Variants in VRK2 observed in about 807,000 individuals in gnomAD.
The protein encoded by VRK2 is VRK serine/threonine kinase 2, also known as serine/threonine-protein kinase VRK2.
Under a neutral mutation model 57.6 loss-of-function variants are expected in VRK2, and 60 were observed. That is an observed-to-expected ratio of 1.04 (90% CI 0.85 to 1.29). The LOEUF is 1.29. VRK2 is among the 50% of genes most tolerant of loss of function. The pLI is 0.00. For missense variants in VRK2, 705 were observed against 588.1 expected, an observed-to-expected ratio of 1.20 and a Z score of -2.06; for synonymous variants, 231 against 199.2, an observed-to-expected ratio of 1.16 and a Z score of -1.35.
chr2:58,085,388 A>G (rs565965774), intron 4 of VRK2, among the ~76,000 whole-genome samples: 3 of 152,108 alleles, frequency 2.0e-5, no homozygotes, highest in Admixed American at 2.0e-4. Context: ...GAAAATGATT[A>G]AACTTTAAGA....
intron 2 of VRK2, among the ~76,000 whole-genome samples, chr2:58,077,707 T>C (rs538017477): frequency 9.5e-4 from 145 of 152,216 alleles, no homozygotes; most frequent in African/African-American, 3.1e-3. Flanking sequence ...TCTCTTGAAC[T>C]TATCCTAGTG....
chr2:58,055,812 A>G (rs1676428067), intron 2 of VRK2, among the ~76,000 whole-genome samples: 1 of 152,314 alleles, frequency 6.6e-6, no homozygotes, highest in South Asian at 2.1e-4. Context: ...TCATCCAGAA[A>G]CAGAAAGATT....
intron 5 of VRK2, among the ~76,000 whole-genome samples, chr2:58,086,998 T>G (rs768805723): frequency 4.7e-4 from 72 of 152,318 alleles, no homozygotes; most frequent in Non-Finnish European, 2.2e-4. Context: ...GAGAGGAGAA[T>G]TCAGTTCTAT....
At chr2:58,042,146 T>G (rs1269087321), upstream of VRK2, among the ~76,000 whole-genome samples, 1 of 152,230 alleles carries the variant, frequency 6.6e-6, no homozygotes, top group African/African-American at 2.4e-5. Context: ...TTGGTTTACA[T>G]GACATATTGA....
chr2:57,956,495 A>G (rs1671590443), intron 1 of VRK2, among the ~76,000 whole-genome samples: 1 of 152,170 alleles, frequency 6.6e-6, no homozygotes, highest in African/African-American at 2.4e-5. Context: ...AGACTTGCAC[A>G]AGCACTCTTC....
At chr2:57,921,653 T>C (rs1377430556) in intron 1 of VRK2, among the ~76,000 whole-genome samples, 1 of 152,108 alleles carries the variant, frequency 6.6e-6, no homozygotes, top group African/African-American at 2.4e-5. Context: ...AGTGAAATGA[T>C]TGCAATTTGA....
intron 1 of VRK2, among the ~76,000 whole-genome samples, chr2:57,956,211 C>T (rs74335207): frequency 0.034 from 5,185 of 151,994 alleles, 148 homozygotes; most frequent in South Asian, 0.1. Context: ...CAAGGCTCCA[C>T]CTCTACAAAA....
chr2:57,971,322 G>T (rs1008729810), intron 1 of VRK2, among the ~76,000 whole-genome samples: 1 of 151,926 alleles, frequency 6.6e-6, no homozygotes, highest in African/African-American at 2.4e-5. Flanking sequence ...TGTCATGGAG[G>T]CACCCTCTGC....
rs781555634 is a variant in VRK2 at position 58,146,423 on chromosome 2, A to G, written c.1131A>G (p.Lys377=). ...ERSAESCATW[K]VQKEEKLIGL... ...GCGCTGAGTCCTGTGCAACATGGAA[A>G]GTGCAGAAAGAGGAGAAACTGATTG... Residue 377 remains lysine (K), a synonymous_variant, in exon 12 of 13, where the codon AAA becomes AAG. Coordinates refer to ENST00000340157, the MANE Select transcript of VRK2 (RefSeq NM_006296.7). 5.0e-6 allele frequency: 8 copies of G among 1,611,864 alleles called. No individual in the cohort carries two copies. The South Asian group carries it at 8.8e-5, about 18-fold the overall frequency.
intron 1 of VRK2, among the ~76,000 whole-genome samples, chr2:57,952,356 G>C (rs1419628044): frequency 6.6e-6 from 1 of 152,086 alleles, no homozygotes; most frequent in African/African-American, 2.4e-5. Flanking sequence ...CCTTTGAAAA[G>C]TAAAATCTTC....
chr2:58,033,992 T>C (rs1253124476), intron 3 of VRK2, among the ~76,000 whole-genome samples: 1 of 152,066 alleles, frequency 6.6e-6, no homozygotes, highest in Non-Finnish European at 1.5e-5. Flanking sequence ...TCCCATGCAA[T>C]GTAAGTACGG....
intron 1 of VRK2, among the ~76,000 whole-genome samples, chr2:58,022,156 A>T (rs1327568384): frequency 6.6e-6 from 1 of 152,238 alleles, no homozygotes; most frequent in Non-Finnish European, 1.5e-5. Flanking sequence ...GATCTCAATC[A>T]TGAGGTCAGG....
intron 1 of VRK2, among the ~76,000 whole-genome samples, chr2:57,967,354 C>T (rs1482458497): frequency 6.6e-6 from 1 of 151,484 alleles, no homozygotes; most frequent in Non-Finnish European, 1.5e-5. Context: ...GCACATGTAC[C>T]CCAGAACTTA....
intron 1 of VRK2, among the ~76,000 whole-genome samples, chr2:57,938,632 T>TTA: frequency 6.6e-6 from 1 of 152,252 alleles, no homozygotes; most frequent in Admixed American, 6.5e-5. Context: ...ATGGCTTTCA[T>TTA]TATACTTCTT....
chr2:57,959,513 G>A (rs1671689957), intron 1 of VRK2, among the ~76,000 whole-genome samples: 1 of 152,172 alleles, frequency 6.6e-6, no homozygotes, highest in African/African-American at 2.4e-5. Context: ...AAGCTGTCCC[G>A]AAGCTCCCTT....
intron 7 of VRK2, among the ~76,000 whole-genome samples, chr2:58,119,476 C>CAAA (rs35693605): frequency 6.9e-5 from 6 of 87,212 alleles, no homozygotes; most frequent in Admixed American, 1.2e-4. Context: ...GACTCCATCT[C>CAAA]AAAAAAAAAA....
chr2:58,064,366 C>G (rs1668327883), intron 2 of VRK2, among the ~76,000 whole-genome samples: 1 of 152,094 alleles, frequency 6.6e-6, no homozygotes. Context: ...CCGCAGTCTT[C>G]AGCACCCACT....
Position 58,060,605 on chromosome 2 carries a change from G to A in VRK2, c.136+11638G>A, listed in dbSNP as rs144300392. Among the ~76,000 whole-genome samples, 50 of 151,788 alleles carry A rather than the reference G, an allele frequency of 3.3e-4. No homozygotes were observed. In the East Asian group the frequency reaches 7.1e-3, roughly 22 times the overall value. Reference sequence around the variant, plus strand: ...TATCTGTTTATGTAGTATATCTTTGGATAGTTAAGAATATCACATGAAAAT... The same window carrying A: ...TATCTGTTTATGTAGTATATCTTTGAATAGTTAAGAATATCACATGAAAAT... On this transcript the variant is annotated intron_variant, in intron 2 of 12. Transcript: ENST00000340157.
upstream of VRK2, among the ~76,000 whole-genome samples, chr2:58,044,499 A>G (rs1434259089): frequency 6.6e-6 from 1 of 152,220 alleles, no homozygotes; most frequent in African/African-American, 2.4e-5. Context: ...TGAAACATAC[A>G]ATTTACTGAA....
Sources: allele counts gnomAD v4.1 joint callset (sites outside exome capture counted in the v4.1 genomes callset), GRCh38; gene constraint gnomAD v4.1.1; transcripts MANE v1.5; gene names NCBI Gene and HGNC (gene_info 2026-07-23, HGNC 2026-07-21).